Variants in DDX39B observed in about 807,000 individuals in gnomAD.
DDX39B encodes the protein spliceosome RNA helicase DDX39B.
A neutral mutation model predicts 46.4 loss-of-function variants in DDX39B; 6 were observed. The ratio of observed to expected loss-of-function variants is 0.13; its 90% CI spans 0.07 to 0.26. The LOEUF is 0.26. DDX39B is among the 10% of genes least tolerant of loss of function. The pLI, the probability that DDX39B is intolerant of heterozygous loss-of-function variation, is 1.00. For missense variants in DDX39B, 185 were observed against 553.4 expected (o/e 0.33, Z 6.68); for synonymous variants, 174 against 199.4 (o/e 0.87, Z 1.07).
chr6:31,531,442 G>A lies in DDX39B; in HGVS notation c.868-37C>T, dbSNP rs773416445. Reference sequence around the variant, plus strand: ...TGGGGTGGGGGGTCGCAAATTGGGGGAATAGGGGTCCATGGTGTGTGAGAG... The same window carrying A: ...TGGGGTGGGGGGTCGCAAATTGGGGAAATAGGGGTCCATGGTGTGTGAGAG... On this transcript the variant is annotated intron_variant, in intron 7 of 10. Coordinates refer to ENST00000396172, the MANE Select transcript of DDX39B (RefSeq NM_004640.7). The surrounding 1 kb of genome is among the most constrained non-coding windows in gnomAD (Gnocchi z 5.8). 63 of 1,580,456 alleles carry A rather than the reference G, an allele frequency of 4.0e-5. No individual in the cohort carries two copies. In the South Asian group the frequency reaches 6.9e-4, roughly 17 times the overall value.
chr6:31,540,804 A>T, intron 1 of DDX39B, 140 bp from the exon 2 acceptor site: 1 of 537,206 alleles, frequency 1.9e-6, no homozygotes, highest in African/African-American at 1.9e-5. Flanking sequence ...TAAAAACGAA[A>T]AGCAAATATA....
At position 31,532,927 on chromosome 6, in the gene DDX39B, G is replaced by C. The variant is rs1298107342; in HGVS notation, c.736-16C>G. ...TCTCCATTGGCTGGGGGGGAGGAAG[G>C]GGGTGGGGAACGGGAGGAGGGCAGA... On this transcript the variant is annotated splice_polypyrimidine_tract_variant and intron_variant, in intron 6 of 10. Transcript: ENST00000396172. 7 of 1,241,610 alleles carry C rather than the reference G, an allele frequency of 5.6e-6. No individual in the cohort carries two copies. The highest frequency in any genetic ancestry group is 7.7e-6 in the Non-Finnish European group (7 of 908,074). The allele number at this position is 1,241,610 out of a possible 1,614,324, so 76.9% of individuals were successfully genotyped here. A position where few individuals can be genotyped will look rare whatever the true frequency, so the allele number is the denominator to read the frequency against.
In DDX39B at chr6:31,532,913, TGGGGGGGAGGAAGGG is replaced by T; in HGVS notation, c.736-17_736-3del. 2 of 443,394 alleles carry T rather than the reference TGGGGGGGAGGAAGGG, an allele frequency of 4.5e-6. No homozygotes were observed. The highest frequency in any genetic ancestry group is 6.8e-6 in the Non-Finnish European group (2 of 293,144). The allele number at this position is 443,394 out of a possible 1,614,324, so 27.5% of individuals were successfully genotyped here. A position where few individuals can be genotyped will look rare whatever the true frequency, so the allele number is the denominator to read the frequency against. ...ATCATCCACGAAGATCTCCATTGGCTGGGGGGGAGGAAGGGGGTGGGGAACGGGAGGAGGGCAGAG... is the reference window on the plus strand; with the variant it reads ...ATCATCCACGAAGATCTCCATTGGCTGGTGGGGAACGGGAGGAGGGCAGAG... On this transcript the variant is annotated splice_polypyrimidine_tract_variant and splice_region_variant and intron_variant, in intron 6 of 10. Transcript: ENST00000396172.
Position 31,540,143 on chromosome 6 carries a change from T to G in DDX39B, c.211+179A>C, listed in dbSNP as rs138303405. Reference sequence around the variant, plus strand: ...CTTCTCTTGCACTTTTGAGCTCAAGTGGCCACCCTCCTGCCTCGGCCTCCC... The same window carrying G: ...CTTCTCTTGCACTTTTGAGCTCAAGGGGCCACCCTCCTGCCTCGGCCTCCC... On this transcript the variant is annotated intron_variant, in intron 2 of 10. Transcript: ENST00000396172. Among the ~76,000 whole-genome samples the G allele has an allele frequency of 9.2e-4, 140 of 152,292 alleles. 1 individual carries two copies. The highest frequency in any genetic ancestry group is 3.1e-3 in the African/African-American group (128 of 41,566).
chr6:31,540,201 ACCTGGC>A (rs986791149), intron 2 of DDX39B, 115 bp downstream of exon 2: 93 of 1,115,378 alleles, frequency 8.3e-5, no homozygotes, highest in Non-Finnish European at 1.2e-4. Context: ...GAGCCACTGC[ACCTGGC>A]CCTGATCTAG....
chr6:31,534,670 C>G lies in DDX39B; in HGVS notation c.735+697G>C. ...AGAGGCTGGTTTGGTCCTCAGCTTC[C>G]TGGTCAGGTTTCCCCGCGGCCTCCG... is the stretch of plus-strand genomic sequence containing the variant. On this transcript the variant is annotated intron_variant, in intron 6 of 10. Coordinates refer to ENST00000396172, the MANE Select transcript of DDX39B (RefSeq NM_004640.7). The surrounding 1 kb of genome is among the most constrained non-coding windows in gnomAD (Gnocchi z 5.1). 2.8e-6 allele frequency: 1 copy of G among 361,084 alleles called. No homozygotes were observed. Among genetic ancestry groups the G allele is most frequent in the South Asian group, 2.2e-5 (1 of 46,306 alleles). The allele number at this position is 361,084 out of a possible 1,614,324, so 22.4% of individuals were successfully genotyped here.
chr6:31,531,443 A>T lies in DDX39B; in HGVS notation c.868-38T>A, dbSNP rs1297776701. On this transcript the variant is annotated intron_variant, in intron 7 of 10. Transcript: ENST00000396172. This position sits in a 1 kb window ranked among gnomAD's most constrained non-coding sequence, Gnocchi z 5.8. ...GGGGTGGGGGGTCGCAAATTGGGGG[A>T]ATAGGGGTCCATGGTGTGTGAGAGA... The T allele has an allele frequency of 1.3e-6, 2 of 1,584,934 alleles. No individual in the cohort carries two copies. The highest frequency in any genetic ancestry group is 1.7e-6 in the Non-Finnish European group (2 of 1,153,758).
rs1767599452 is a variant in DDX39B, at chr6:31,534,819, G to A, written c.735+548C>T. The stretch of plus-strand genomic sequence containing the variant: ...AAGGAGATGTGGGTGGGAAGGAGTA[G>A]GGTATCGGGGATTGAGGTGCCAAAG... On this transcript the variant is annotated intron_variant, in intron 6 of 10. Transcript: ENST00000396172. The surrounding 1 kb of genome is among the most constrained non-coding windows in gnomAD (Gnocchi z 5.1). 2 of 286,064 alleles carry A rather than the reference G, an allele frequency of 7.0e-6. No homozygotes were observed. The highest frequency in any genetic ancestry group is 4.4e-5 in the African/African-American group (2 of 45,600). 17.7% of individuals were successfully genotyped at this position (286,064 alleles called of 1,614,324 possible). A position where few individuals can be genotyped will look rare whatever the true frequency, so the allele number is the denominator to read the frequency against.
Position 31,535,094 on chromosome 6 carries a change from G to A in DDX39B, c.735+273C>T. 1.9e-6 allele frequency: 1 copy of A among 519,036 alleles called. No individual in the cohort carries two copies. The highest frequency in any genetic ancestry group is 2.2e-5 in the South Asian group (1 of 46,426). The allele number at this position is 519,036 out of a possible 1,614,324, so 32.2% of individuals were successfully genotyped here. A position where few individuals can be genotyped will look rare whatever the true frequency, so the allele number is the denominator to read the frequency against. ...ATCCTGCCCTCCCCCAAAGGGAGAA[G>A]AGGTTCAAAAATGTTGTGATTTATG... is the stretch of plus-strand genomic sequence containing the variant. On this transcript the variant is annotated intron_variant, in intron 6 of 10. Coordinates refer to ENST00000396172, the MANE Select transcript of DDX39B (RefSeq NM_004640.7). The surrounding 1 kb of genome is among the most constrained non-coding windows in gnomAD (Gnocchi z 4.6).
intron 6 of DDX39B, 70 bp from the exon 7 acceptor site, chr6:31,532,981 G>A (rs540740095): frequency 1.9e-4 from 106 of 544,810 alleles, no homozygotes; most frequent in Admixed American, 6.0e-4. Context: ...GGGGGGTGGA[G>A]GAAGTTGATC....
rs578054708 is a variant in DDX39B, at chr6:31,541,965, G to C, written c.-148C>G. ...CAAAGCTTACCTAAACAGGGAGAGC[G>C]CGTATGGCGGCAGCAACAGCGACGA... On this transcript the variant is annotated 5_prime_UTR_variant, in exon 1 of 11. Transcript: ENST00000396172. The C allele has an allele frequency of 3.9e-5, 26 of 672,726 alleles. No homozygotes were observed. In the African/African-American group the frequency reaches 3.9e-4, roughly 10 times the overall value. 41.7% of individuals were successfully genotyped at this position (672,726 alleles called of 1,614,324 possible).
At chr6:31,540,246 G>A in intron 2 of DDX39B, 76 bp downstream of exon 2, 1 of 1,498,670 alleles carries the variant, frequency 6.7e-7, no homozygotes, top group Non-Finnish European at 9.3e-7. Flanking sequence ...ACCACCACCT[G>A]AGCAACGACA....
intron 6 of DDX39B, chr6:31,533,174 A>C (rs1317218036): frequency 5.1e-6 from 2 of 389,514 alleles, no homozygotes; most frequent in Non-Finnish European, 9.7e-6. Context: ...AATGAAGTCA[A>C]GGAGCAGTGA....
At chr6:31,540,807 C>A in intron 1 of DDX39B, 143 bp from the exon 2 acceptor site, 1 of 537,688 alleles carries the variant, frequency 1.9e-6, no homozygotes. Flanking sequence ...AAACGAAAAG[C>A]AAATATAACA....
chr6:31,539,820 G>C (rs184177415), intron 2 of DDX39B, among the ~76,000 whole-genome samples: 27 of 152,292 alleles, frequency 1.8e-4, no homozygotes, highest in Admixed American at 8.5e-4. Context: ...AAAATTAGAA[G>C]TCAAGTGACA....
rs1582943152 is a variant in DDX39B, at chr6:31,534,583, C to T, written c.735+784G>A. ...CCATTCAGGACACCCCTCCCCAACA[C>T]ATATTGGGGGAAACGGGGCACGGCA... On this transcript the variant is annotated intron_variant, in intron 6 of 10. Transcript: ENST00000396172. This position sits in a 1 kb window ranked among gnomAD's most constrained non-coding sequence, Gnocchi z 5.1. 2 of 450,578 alleles carry T rather than the reference C, an allele frequency of 4.4e-6. No individual in the cohort carries two copies. The highest frequency in any genetic ancestry group is 5.4e-5 in the Admixed American group (2 of 37,134). The allele number at this position is 450,578 out of a possible 1,614,324, so 27.9% of individuals were successfully genotyped here. A position where few individuals can be genotyped will look rare whatever the true frequency, so the allele number is the denominator to read the frequency against.
chr6:31,536,608 C>T lies in DDX39B; in HGVS notation c.508G>A (p.Val170Met). 6.2e-7 allele frequency: 1 copy of T among 1,613,230 alleles called. No homozygotes were observed. The highest frequency in any genetic ancestry group is 8.5e-7 in the Non-Finnish European group (1 of 1,180,024). The part of the protein sequence containing the change: ...VLKKNCPHIV[V>M]GTPGRILALA... ...GCTAGGATACGGCCTGGAGTCCCCA[C>T]GACGATATGCGGGCAGTTCTTCTTC... The change falls in exon 5 of 11, where the codon GTG becomes ATG. Residue 170 changes from valine to methionine, a missense_variant. By Grantham distance (21) the Val-to-Met change is conservative (BLOSUM62 1). Coordinates refer to ENST00000396172, the MANE Select transcript of DDX39B (RefSeq NM_004640.7).
At chr6:31,541,106 T>A in intron 1 of DDX39B, 1 of 533,564 alleles carries the variant, frequency 1.9e-6, no homozygotes. Flanking sequence ...TCAGCAGCCA[T>A]CAGTCAAGGG....
chr6:31,538,113 C>A (rs1186595994), intron 4 of DDX39B, among the ~76,000 whole-genome samples: 5 of 152,156 alleles, frequency 3.3e-5, no homozygotes, highest in African/African-American at 1.2e-4. Flanking sequence ...GATACAGTAT[C>A]ACCTATGAAG....
Sources: gnomAD v4.1 joint callset for allele counts (sites outside exome capture counted in the v4.1 genomes callset) on GRCh38, gnomAD v4.1.1 for gene constraint, Gnocchi (gnomAD v3.1) non-coding constraint, MANE v1.5 for transcripts, NCBI Gene and HGNC (gene_info 2026-07-23, HGNC 2026-07-21) for gene names.